ERBB4: variants seen among roughly 807,000 people sequenced by gnomAD.
The protein encoded by ERBB4 is receptor tyrosine-protein kinase erbB-4.
Under a neutral mutation model 158.0 loss-of-function variants are expected in ERBB4, and 42 were observed. The observed-to-expected ratio is 0.27, with a 90% CI of 0.21 to 0.34. The LOEUF (loss-of-function observed/expected upper bound fraction) is 0.34. ERBB4 is among the 10% of genes least tolerant of loss of function. The pLI, the probability that ERBB4 is intolerant of heterozygous loss-of-function variation, is 1.00. For missense variants in ERBB4, 1,333 were observed against 1,624.1 expected (o/e 0.82, Z 3.08); for synonymous variants, 583 against 558.7 (o/e 1.04, Z -0.61).
At chr2:212,151,297 T>C (rs1289291631) in intron 1 of ERBB4, among the ~76,000 whole-genome samples, 2 of 150,984 alleles carry the variant, frequency 1.3e-5, no homozygotes, top group South Asian at 2.1e-4. Context: ...TTAATATATA[T>C]ATCATAGGCA....
In ERBB4 at chr2:212,469,434, T is replaced by C. The variant is rs539214120; in HGVS notation, c.82+69015A>G. Among the ~76,000 whole-genome samples, 5 of 152,316 alleles carry C rather than the reference T, an allele frequency of 3.3e-5. No homozygotes were observed. The East Asian group carries it at 7.7e-4, about 23-fold the overall frequency. On this transcript the variant is annotated intron_variant, in intron 1 of 27. Transcript: ENST00000342788. ...AACTGTAAACTTCCTTTTCAGTCTA[T>C]GTCCTGATAATGATGCATCTGCTAC...
intron 2 of ERBB4, among the ~76,000 whole-genome samples, chr2:211,968,632 A>T (rs919715203): frequency 7.2e-5 from 11 of 152,070 alleles, no homozygotes; most frequent in African/African-American, 2.4e-4. Flanking sequence ...TGCAAAGCAT[A>T]AACTGAAAAT....
At chr2:212,331,647 T>C (rs562755761) in intron 1 of ERBB4, among the ~76,000 whole-genome samples, 1 of 151,972 alleles carries the variant, frequency 6.6e-6, no homozygotes, top group South Asian at 2.1e-4. Flanking sequence ...CAAATTATTA[T>C]CAAATCAAAT....
chr2:212,475,587 T>C (rs1351909775), intron 1 of ERBB4, among the ~76,000 whole-genome samples: 1 of 152,152 alleles, frequency 6.6e-6, no homozygotes, highest in African/African-American at 2.4e-5. Flanking sequence ...TATAAGAATA[T>C]GCTATTATTA....
intron 1 of ERBB4, among the ~76,000 whole-genome samples, chr2:212,228,040 A>C (rs2083534046): frequency 6.6e-6 from 1 of 152,178 alleles, no homozygotes; most frequent in African/African-American, 2.4e-5. Flanking sequence ...GATTACACAA[A>C]AGAGAAACAG....
At chr2:212,387,694 A>G (rs991420873) in intron 1 of ERBB4, among the ~76,000 whole-genome samples, 8 of 152,164 alleles carry the variant, frequency 5.3e-5, no homozygotes. Context: ...CTGGGATTAC[A>G]GGTGTGGGCC....
At position 211,376,142 on chromosome 2, in the gene ERBB4, C is replaced by T. The variant is rs2062469226; in HGVS notation, c.*7473G>A. On this transcript the variant is annotated 3_prime_UTR_variant, in exon 28 of 28. Transcript: ENST00000342788. ...ATGGAAAAAAATCAAAATAACATTA[C>T]ACCACACACAATTGGCATATCCTAT... 1 of 233,124 alleles carries T rather than the reference C, an allele frequency of 4.3e-6. No homozygotes were observed. The highest frequency in any genetic ancestry group is 6.1e-5 in the East Asian group (1 of 16,500). The allele number at this position is 233,124 out of a possible 1,614,324, so 14.4% of individuals were successfully genotyped here.
chr2:211,514,830 T>C (rs916891951), intron 20 of ERBB4, among the ~76,000 whole-genome samples: 3 of 152,166 alleles, frequency 2.0e-5, no homozygotes, highest in African/African-American at 7.2e-5. Flanking sequence ...ATCTGAAACA[T>C]TCCGATGAGC....
At chr2:211,547,319 T>C (rs2066969137) in intron 20 of ERBB4, among the ~76,000 whole-genome samples, 1 of 152,170 alleles carries the variant, frequency 6.6e-6, no homozygotes, top group South Asian at 2.1e-4. Flanking sequence ...TAAGTTAATC[T>C]GTGTTTCATC....
chr2:212,474,898 T>C (rs992093454), intron 1 of ERBB4, among the ~76,000 whole-genome samples: 103 of 141,286 alleles, frequency 7.3e-4, no homozygotes, highest in African/African-American at 2.5e-3. Flanking sequence ...CAAGGATTCC[T>C]AGCAGCTCAG....
At chr2:211,864,243 C>T (rs1488891578) in intron 3 of ERBB4, among the ~76,000 whole-genome samples, 1 of 152,228 alleles carries the variant, frequency 6.6e-6, no homozygotes, top group Non-Finnish European at 1.5e-5. Flanking sequence ...GCTATCTCCT[C>T]TATCCTTCCA....
intron 20 of ERBB4, among the ~76,000 whole-genome samples, chr2:211,441,329 T>G (rs2063970471): frequency 6.6e-6 from 1 of 152,162 alleles, no homozygotes; most frequent in African/African-American, 2.4e-5. Flanking sequence ...GAATCATCTA[T>G]CTTTAATTAT....
intron 1 of ERBB4, among the ~76,000 whole-genome samples, chr2:212,213,257 T>A (rs1488586696): frequency 2.0e-5 from 3 of 151,868 alleles, no homozygotes; most frequent in Non-Finnish European, 4.4e-5. Context: ...GAAAGGGATA[T>A]GAACAGACAC....
intron 19 of ERBB4, among the ~76,000 whole-genome samples, chr2:211,589,963 T>C (rs1245306486): frequency 6.6e-6 from 1 of 152,204 alleles, no homozygotes; most frequent in Non-Finnish European, 1.5e-5. Flanking sequence ...TTCCTCATTA[T>C]TGATCTACAA....
chr2:212,061,425 C>T (rs1274285781), intron 2 of ERBB4, among the ~76,000 whole-genome samples: 1 of 124,656 alleles, frequency 8.0e-6, no homozygotes, highest in African/African-American at 3.1e-5. Context: ...TGCACTCCAG[C>T]CTGGGTGACA....
intron 12 of ERBB4, among the ~76,000 whole-genome samples, chr2:211,685,146 T>A (rs1249167659): frequency 2.0e-5 from 3 of 152,358 alleles, no homozygotes; most frequent in African/African-American, 7.2e-5. Context: ...AAGTTGAATT[T>A]ATCATTTTGT....
chr2:211,692,802 T>C (rs1574996489), intron 12 of ERBB4, among the ~76,000 whole-genome samples: 2 of 152,290 alleles, frequency 1.3e-5, no homozygotes, highest in African/African-American at 2.4e-5. Context: ...ATAACATTCA[T>C]AGGTTCTGAA....
At chr2:212,134,101 G>A (rs1011464079) in intron 1 of ERBB4, among the ~76,000 whole-genome samples, 1 of 151,848 alleles carries the variant, frequency 6.6e-6, no homozygotes, top group Non-Finnish European at 1.5e-5. Flanking sequence ...ATTTCATCAT[G>A]TTATATATTC....
chr2:212,301,444 T>A (rs2086618276), intron 1 of ERBB4, among the ~76,000 whole-genome samples: 1 of 151,432 alleles, frequency 6.6e-6, no homozygotes, highest in African/African-American at 2.4e-5. Context: ...ATACGAGCAC[T>A]GTAATACATC....
Sources: gnomAD v4.1 joint callset for allele counts (sites outside exome capture counted in the v4.1 genomes callset) on GRCh38, gnomAD v4.1.1 for gene constraint, MANE v1.5 for transcripts, NCBI Gene and HGNC (gene_info 2026-07-23, HGNC 2026-07-21) for gene names.